Variants in BBS7 observed in about 807,000 individuals in gnomAD.
The protein encoded by BBS7 is BBSome complex member BBS7.
In BBS7, 50 loss-of-function variants were observed where a neutral mutation model predicts 90.3. The observed-to-expected ratio is 0.55, with a 90% CI of 0.44 to 0.70. The LOEUF is 0.70. Among genes scored for constraint, BBS7 ranks in the 30% least tolerant of loss-of-function variants. BBS7 has a pLI of 0.00. For synonymous variants in BBS7, 235 were observed against 287.4 expected, an observed-to-expected ratio of 0.82 and a Z score of 1.85; for missense variants, 729 against 838.9, an observed-to-expected ratio of 0.87 and a Z score of 1.62.
intron 15 of BBS7, among the ~76,000 whole-genome samples, chr4:121,830,493 A>C (rs939134313): frequency 5.3e-5 from 8 of 152,236 alleles, no homozygotes; most frequent in African/African-American, 9.6e-5. Flanking sequence ...AGAAATCATG[A>C]CATTTCTATT....
rs147752059 is a variant in BBS7, at chr4:121,854,787, G to A, written c.635C>T (p.Ser212Leu). 2.5e-6 allele frequency: 4 copies of A among 1,612,456 alleles called. No homozygotes were observed. Among genetic ancestry groups the A allele is most frequent in the South Asian group, 1.1e-5 (1 of 90,914 alleles). Residue 212 changes from serine to leucine, a missense_variant, in exon 7 of 19, where the codon TCA becomes TTA. Coordinates refer to ENST00000264499, the MANE Select transcript of BBS7 (RefSeq NM_176824.3). ...CTGTATAAGCGCAAGTTTTCCGTCT[G>A]ATGTCCCAAACAAAAGGTCTTCTCC... ...DSGEDLLFGT[S>L]DGKLALIQIT...
At chr4:121,833,174 T>G in intron 15 of BBS7, 57 bp downstream of exon 15, 1 of 1,553,282 alleles carries the variant, frequency 6.4e-7, no homozygotes, top group Non-Finnish European at 8.9e-7. Flanking sequence ...AAAGGAAAAC[T>G]TAGAAGCTAC....
chr4:121,868,515 C>G (rs1164447070), intron 1 of BBS7, among the ~76,000 whole-genome samples: 1 of 151,406 alleles, frequency 6.6e-6, no homozygotes, highest in East Asian at 1.9e-4. Flanking sequence ...GACTCTGTCT[C>G]TACAAAAAAT....
intron 4 of BBS7, 117 bp downstream of exon 4, chr4:121,861,387 C>T: frequency 1.0e-6 from 1 of 964,428 alleles, no homozygotes; most frequent in Non-Finnish European, 1.5e-6. Flanking sequence ...AATAAAATAC[C>T]TTTAGTTAAT....
chr4:121,869,874 C>A (rs935297231), intron 1 of BBS7, among the ~76,000 whole-genome samples: 1 of 152,084 alleles, frequency 6.6e-6, no homozygotes, highest in Non-Finnish European at 1.5e-5. Context: ...CTGCCTGGTG[C>A]GGTACAGCTC....
chr4:121,864,190 G>C (rs999105980), intron 2 of BBS7, among the ~76,000 whole-genome samples: 4 of 152,144 alleles, frequency 2.6e-5, no homozygotes, highest in Admixed American at 2.0e-4. Context: ...CCACGAAACT[G>C]GTTCCTGGTG....
At position 121,870,341 on chromosome 4, in the gene BBS7, G is replaced by A. The variant is rs944093494; in HGVS notation, c.-28C>T. The A allele has an allele frequency of 6.2e-7, 1 of 1,613,996 alleles. No individual in the cohort carries two copies. The highest frequency in any genetic ancestry group is 8.5e-7 in the Non-Finnish European group (1 of 1,179,864). ...TGACTACGCGGAGGGGCTAAGCAGCGCCGGACAAGAACAGGAGGGACAGAG... is the reference window on the plus strand; with the variant it reads ...TGACTACGCGGAGGGGCTAAGCAGCACCGGACAAGAACAGGAGGGACAGAG... On this transcript the variant is annotated 5_prime_UTR_variant, in exon 1 of 19. Transcript: ENST00000264499.
At chr4:121,831,592 AG>A (rs1041659496) in intron 15 of BBS7, among the ~76,000 whole-genome samples, 1 of 152,232 alleles carries the variant, frequency 6.6e-6, no homozygotes, top group Non-Finnish European at 1.5e-5. Context: ...ATAATATGCT[AG>A]GGGCATGTTG....
intron 13 of BBS7, among the ~76,000 whole-genome samples, chr4:121,836,224 A>G (rs1225393230): frequency 2.6e-5 from 4 of 152,166 alleles, no homozygotes; most frequent in African/African-American, 9.6e-5. Flanking sequence ...AGAAGGACCT[A>G]GTTTAATATA....
chr4:121,870,184 C>A, intron 1 of BBS7, 94 bp downstream of exon 1: 1 of 1,545,334 alleles, frequency 6.5e-7, no homozygotes, highest in Non-Finnish European at 8.9e-7. Flanking sequence ...CGCACCAGCT[C>A]CTGGCGACCG....
intron 3 of BBS7, 121 bp downstream of exon 3, chr4:121,863,096 C>T (rs1008230288): frequency 2.2e-6 from 2 of 922,000 alleles, no homozygotes; most frequent in African/African-American, 3.3e-5. Context: ...CACATAACTA[C>T]TTACCTCAGA....
chr4:121,862,003 T>C (rs1312876158), intron 3 of BBS7, among the ~76,000 whole-genome samples: 3 of 152,208 alleles, frequency 2.0e-5, no homozygotes, highest in Admixed American at 6.5e-5. Flanking sequence ...TGAGAATCTG[T>C]ATTTTAACAA....
intron 7 of BBS7, among the ~76,000 whole-genome samples, chr4:121,854,227 A>G (rs1345800183): frequency 6.6e-6 from 1 of 152,194 alleles, no homozygotes; most frequent in East Asian, 1.9e-4. Context: ...TATTTGTTGA[A>G]GGAATAAATG....
At chr4:121,828,037 A>G in intron 18 of BBS7, 109 bp downstream of exon 18, 2 of 1,548,188 alleles carry the variant, frequency 1.3e-6, no homozygotes, top group Non-Finnish European at 8.7e-7. Flanking sequence ...TTCATGAATC[A>G]TGACTGATGT....
chr4:121,855,339 T>C, intron 6 of BBS7, 150 bp downstream of exon 6: 2 of 738,214 alleles, frequency 2.7e-6, no homozygotes, highest in Non-Finnish European at 4.7e-6. Context: ...AAACGGAGAA[T>C]TAAAAGTTCA....
intron 13 of BBS7, among the ~76,000 whole-genome samples, chr4:121,839,002 G>T (rs1725598217): frequency 6.6e-6 from 1 of 151,788 alleles, no homozygotes; most frequent in Non-Finnish European, 1.5e-5. Context: ...AATTATTGTT[G>T]ATTTTTCTTA....
At chr4:121,839,170 G>A (rs1164054234) in intron 13 of BBS7, among the ~76,000 whole-genome samples, 1 of 152,104 alleles carries the variant, frequency 6.6e-6, no homozygotes, top group East Asian at 1.9e-4. Flanking sequence ...CATTGCTGAA[G>A]CTGTGTGATT....
At chr4:121,828,032 G>A (rs933004600) in intron 18 of BBS7, 114 bp downstream of exon 18, 36 of 1,536,586 alleles carry the variant, frequency 2.3e-5, no homozygotes, top group Non-Finnish European at 3.0e-5. Flanking sequence ...ACTGGTTCAT[G>A]AATCATGACT....
At chr4:121,833,511 A>G (rs778018355) in intron 14 of BBS7, 116 bp from the exon 15 acceptor site, 10 of 943,226 alleles carry the variant, frequency 1.1e-5, no homozygotes, top group Admixed American at 4.3e-5. Context: ...AAAACATTCA[A>G]TTTTCTCAGA....
Sources: allele counts gnomAD v4.1 joint callset (sites outside exome capture counted in the v4.1 genomes callset), GRCh38; gene constraint gnomAD v4.1.1; transcripts MANE v1.5; gene names NCBI Gene and HGNC (gene_info 2026-07-23, HGNC 2026-07-21).